CSMD3: variants seen among roughly 807,000 people sequenced by gnomAD.
The protein encoded by CSMD3 is CUB and sushi domain-containing protein 3.
Under a neutral mutation model 435.2 loss-of-function variants are expected in CSMD3, and 177 were observed. The observed-to-expected ratio is 0.41, with a 90% CI of 0.36 to 0.46. CSMD3 has a LOEUF of 0.46. CSMD3 is among the 20% of genes least tolerant of loss of function. CSMD3 has a pLI of 0.34. For missense variants in CSMD3, 4,265 were observed against 4,504.6 expected (o/e 0.95, Z 1.52); for synonymous variants, 1,656 against 1,520.5 (o/e 1.09, Z -2.07).
At chr8:112,741,785 GAT>G (rs1235252201) in intron 13 of CSMD3, among the ~76,000 whole-genome samples, 18 of 129,632 alleles carry the variant, frequency 1.4e-4, no homozygotes, top group Middle Eastern at 3.6e-3. Context: ...TAGATAGATA[GAT>G]AGAGAGAAGA....
At chr8:112,282,352 T>C (rs1315089125) in intron 58 of CSMD3, among the ~76,000 whole-genome samples, 2 of 152,066 alleles carry the variant, frequency 1.3e-5, no homozygotes, top group Non-Finnish European at 2.9e-5. Context: ...GCAGAACCTA[T>C]GATAAAACAG....
chr8:113,198,953 ATTAT>A (rs1012583634), intron 3 of CSMD3, among the ~76,000 whole-genome samples: 6 of 151,300 alleles, frequency 4.0e-5, no homozygotes, highest in Non-Finnish European at 7.4e-5. Context: ...CTTGAAATAA[ATTAT>A]TTCTTTCTAA....
At chr8:113,077,385 A>G (rs1311276073) in intron 5 of CSMD3, among the ~76,000 whole-genome samples, 1 of 152,172 alleles carries the variant, frequency 6.6e-6, no homozygotes, top group Non-Finnish European at 1.5e-5. Context: ...AGTTATAAAA[A>G]AACCATTATG....
At chr8:112,961,378 A>T (rs933585890) in intron 7 of CSMD3, among the ~76,000 whole-genome samples, 1 of 151,904 alleles carries the variant, frequency 6.6e-6, no homozygotes, top group African/African-American at 2.4e-5. Flanking sequence ...GTAGAAATGT[A>T]TAAAACCATA....
At chr8:112,284,418 T>C (rs1484431248) in intron 58 of CSMD3, among the ~76,000 whole-genome samples, 1 of 151,850 alleles carries the variant, frequency 6.6e-6, no homozygotes, top group Admixed American at 6.6e-5. Flanking sequence ...TCTGTCCTAG[T>C]ATTATTTTTT....
At chr8:112,611,097 A>T (rs1258712143) in intron 22 of CSMD3, among the ~76,000 whole-genome samples, 1 of 152,204 alleles carries the variant, frequency 6.6e-6, no homozygotes, top group Non-Finnish European at 1.5e-5. Context: ...GAGGAAACAA[A>T]ATCAGTATGT....
intron 4 of CSMD3, among the ~76,000 whole-genome samples, chr8:113,103,298 C>G (rs1222181011): frequency 1.3e-5 from 2 of 152,046 alleles, no homozygotes; most frequent in Non-Finnish European, 2.9e-5. Flanking sequence ...GTAATAAAAA[C>G]AATGGTGGAT....
intron 1 of CSMD3, among the ~76,000 whole-genome samples, chr8:113,422,313 C>T (rs1480155987): frequency 6.6e-6 from 1 of 152,180 alleles, no homozygotes; most frequent in African/African-American, 2.4e-5. Context: ...TGCTCCTACA[C>T]ATTAAATTTG....
intron 17 of CSMD3, among the ~76,000 whole-genome samples, chr8:112,662,600 G>T (rs1478235291): frequency 6.6e-6 from 1 of 152,106 alleles, no homozygotes; most frequent in Admixed American, 6.5e-5. Context: ...TACCATTCAG[G>T]ACATAGGCAT....
At position 113,354,486 on chromosome 8, in the gene CSMD3, A is replaced by T. The variant is rs188433368; in HGVS notation, c.179-39693T>A. ...TACAGACTAAGGATGGAATCCAATTATAAAGAACTTATATAAATTAATGAG... is the reference window on the plus strand; with the variant it reads ...TACAGACTAAGGATGGAATCCAATTTTAAAGAACTTATATAAATTAATGAG... On this transcript the variant is annotated intron_variant, in intron 1 of 70. Coordinates refer to ENST00000297405, the MANE Select transcript of CSMD3 (RefSeq NM_198123.2). Among the ~76,000 whole-genome samples, 158 of 152,362 alleles carry T rather than the reference A, an allele frequency of 1.0e-3. 2 individuals carry two copies. The highest frequency in any genetic ancestry group is 3.6e-3 in the African/African-American group (148 of 41,594).
intron 5 of CSMD3, among the ~76,000 whole-genome samples, chr8:113,090,230 T>A (rs2089957107): frequency 6.6e-6 from 1 of 152,066 alleles, no homozygotes; most frequent in African/African-American, 2.4e-5. Context: ...CATAGGCTAG[T>A]TTCATGAAAA....
At chr8:112,689,024 C>T (rs1448712967) in intron 14 of CSMD3, among the ~76,000 whole-genome samples, 1 of 152,050 alleles carries the variant, frequency 6.6e-6, no homozygotes, top group Non-Finnish European at 1.5e-5. Context: ...TGAAGTATTA[C>T]TAAGCTTTGG....
intron 11 of CSMD3, among the ~76,000 whole-genome samples, chr8:112,858,325 A>G (rs2080724825): frequency 6.6e-6 from 1 of 151,816 alleles, no homozygotes; most frequent in Non-Finnish European, 1.5e-5. Flanking sequence ...GAGAGGTTAA[A>G]TAACTTAAAG....
At chr8:112,744,869 AGAT>A (rs1252216703) in intron 13 of CSMD3, among the ~76,000 whole-genome samples, 1 of 152,142 alleles carries the variant, frequency 6.6e-6, no homozygotes, top group Non-Finnish European at 1.5e-5. Flanking sequence ...TGGCTAGAGA[AGAT>A]GATTCGGCGG....
At chr8:112,492,868 C>A (rs746139993) in intron 30 of CSMD3, among the ~76,000 whole-genome samples, 185 bp from the exon 31 acceptor site, 2 of 151,772 alleles carry the variant, frequency 1.3e-5, no homozygotes, top group African/African-American at 2.4e-5. Context: ...GTATAACAAC[C>A]GTTTACCTAG....
At chr8:112,362,341 A>G (rs961957862) in intron 38 of CSMD3, among the ~76,000 whole-genome samples, 1 of 152,002 alleles carries the variant, frequency 6.6e-6, no homozygotes, top group Non-Finnish European at 1.5e-5. Flanking sequence ...CATGTAGCAC[A>G]GGCTACATTA....
chr8:112,879,159 G>A (rs2081376715), intron 10 of CSMD3, among the ~76,000 whole-genome samples: 1 of 152,070 alleles, frequency 6.6e-6, no homozygotes, highest in South Asian at 2.1e-4. Flanking sequence ...AAATGTCGCT[G>A]AATTCTTTCC....
intron 10 of CSMD3, among the ~76,000 whole-genome samples, chr8:112,903,306 C>G (rs1199520138): frequency 6.6e-6 from 1 of 151,094 alleles, no homozygotes; most frequent in Non-Finnish European, 1.5e-5. Flanking sequence ...ATTCCTGAGA[C>G]CCTTTATAGC....
chr8:112,942,769 A>G (rs1368366915), intron 9 of CSMD3, among the ~76,000 whole-genome samples: 1 of 151,756 alleles, frequency 6.6e-6, no homozygotes, highest in Non-Finnish European at 1.5e-5. Flanking sequence ...CATTATGCAT[A>G]TTACCTGGGT....
Sources: allele counts gnomAD v4.1 joint callset (sites outside exome capture counted in the v4.1 genomes callset), GRCh38; gene constraint gnomAD v4.1.1; transcripts MANE v1.5; gene names NCBI Gene and HGNC (gene_info 2026-07-23, HGNC 2026-07-21).